The following SLC22A23 variants were observed in gnomAD, a reference collection of about 807,000 sequenced individuals.
SLC22A23 encodes the protein ion transporter protein.
In SLC22A23, 26 loss-of-function variants were observed where a neutral mutation model predicts 61.0. The observed-to-expected ratio is 0.43, with a 90% CI of 0.31 to 0.59. The LOEUF (loss-of-function observed/expected upper bound fraction) is 0.59. SLC22A23 is among the 20% of genes least tolerant of loss of function. SLC22A23 has a pLI of 0.11. For missense variants in SLC22A23, 796 were observed against 934.7 expected (o/e 0.85, Z 1.94); for synonymous variants, 430 against 413.9 (o/e 1.04, Z -0.47).
chr6:3,288,037 G>A (rs1384099309), intron 6 of SLC22A23, among the ~76,000 whole-genome samples: 2 of 152,156 alleles, frequency 1.3e-5, no homozygotes, highest in Admixed American at 1.3e-4. Context: ...CCTGGGTCAA[G>A]CTTCTTTATT....
chr6:3,326,995 C>G, intron 3 of SLC22A23, among the ~76,000 whole-genome samples: 1 of 130,162 alleles, frequency 7.7e-6, no homozygotes, highest in South Asian at 2.5e-4. Context: ...GCAGGTGGAT[C>G]GTTTCTGCTG....
rs753793536 is a variant in SLC22A23, at chr6:3,323,981, C to T, written c.935G>A (p.Gly312Glu). The change falls in exon 4 of 10, where the codon GGA (glycine) becomes GAA (glutamate). Residue 312 changes from glycine (G) to glutamate (E), a missense_variant. Gly to Glu is a moderately conservative substitution (Grantham distance 98). Transcript: ENST00000406686. ...YALRIELCPPGKRFMITMVAS... is the reference protein window; with the variant it reads ...YALRIELCPPEKRFMITMVAS... Reference sequence around the variant, plus strand: ...CACCATCGTAATCATGAACCGTTTTCCAGGGGGGCACAGCTCTATTCCTAG... The same window carrying T: ...CACCATCGTAATCATGAACCGTTTTTCAGGGGGGCACAGCTCTATTCCTAG... 3.7e-6 allele frequency: 6 copies of T among 1,614,192 alleles called. No homozygotes were observed. Among genetic ancestry groups the T allele is most frequent in the South Asian group, 3.3e-5 (3 of 91,078 alleles).
chr6:3,285,382 G>C (rs1328271988), intron 7 of SLC22A23, among the ~76,000 whole-genome samples: 1 of 152,220 alleles, frequency 6.6e-6, no homozygotes, highest in African/African-American at 2.4e-5. Flanking sequence ...TGAGACCCCA[G>C]CAGGTGCAAA....
rs1018938558 is a variant in SLC22A23, at chr6:3,342,619, G to T, written c.914-18617C>A. 6.6e-6 allele frequency among the ~76,000 whole-genome samples: 1 copy of T among 152,180 alleles called. No individual in the cohort carries two copies. The highest frequency in any genetic ancestry group is 1.9e-4 in the East Asian group (1 of 5,186). ...AGCCCAGGAAGCCAGTAGATGGGGG[G>T]TCCAGGAGATTCAAACCTTGAGGAG... On this transcript the variant is annotated intron_variant, in intron 3 of 9. Transcript: ENST00000406686. The surrounding 1 kb of genome is among the most constrained non-coding windows in gnomAD (Gnocchi z 4.0).
At chr6:3,294,664 T>C (rs2127347295) in intron 5 of SLC22A23, among the ~76,000 whole-genome samples, 1 of 152,124 alleles carries the variant, frequency 6.6e-6, no homozygotes, top group Non-Finnish European at 1.5e-5. Context: ...GCTCAAAACC[T>C]CAGGAACTAA....
rs1005135070 is a variant in SLC22A23, at chr6:3,270,171, T to C, written c.*2884A>G. On this transcript the variant is annotated 3_prime_UTR_variant, in exon 10 of 10. Coordinates refer to ENST00000406686, the MANE Select transcript of SLC22A23 (RefSeq NM_015482.2). The stretch of plus-strand genomic sequence containing the variant: ...GGTAGGCTAGCGGAACGGAGGGGTG[T>C]GTGGAGGAGAGTAGCAGGGGGTGGG... The C allele has an allele frequency of 6.6e-6, 1 of 152,194 alleles. No individual in the cohort carries two copies. Among genetic ancestry groups the C allele is most frequent in the Non-Finnish European group, 1.5e-5 (1 of 68,032 alleles). The allele number at this position is 152,194 out of a possible 1,614,324, so 9.4% of individuals were successfully genotyped here.
rs1758431273 is a variant in SLC22A23 at position 3,270,849 on chromosome 6, A to AT, written c.*2205_*2206insA. ...GCTTCAATTTCCAAAAAAAAAAAAAAGTTTACACGACCAGTGAGACTGCTC... is the reference window on the plus strand; with the variant it reads ...GCTTCAATTTCCAAAAAAAAAAAAAATGTTTACACGACCAGTGAGACTGCTC... On this transcript the variant is annotated 3_prime_UTR_variant, in exon 10 of 10. Coordinates refer to ENST00000406686, the MANE Select transcript of SLC22A23 (RefSeq NM_015482.2). 6.7e-6 allele frequency: 1 copy of AT among 150,106 alleles called. No individual in the cohort carries two copies. The highest frequency in any genetic ancestry group is 1.5e-5 in the Non-Finnish European group (1 of 67,488). The allele number at this position is 150,106 out of a possible 1,614,324, so 9.3% of individuals were successfully genotyped here.
chr6:3,414,328 A>G lies in SLC22A23; in HGVS notation c.758+1424T>C, dbSNP rs1157148875. Reference sequence around the variant, plus strand: ...CCCACACTAGAAACCTATGAACTCAAGTATTTGGTTTAAAAAAATAAACCC... The same window carrying G: ...CCCACACTAGAAACCTATGAACTCAGGTATTTGGTTTAAAAAAATAAACCC... On this transcript the variant is annotated intron_variant, in intron 2 of 9. Transcript: ENST00000406686. This position sits in a 1 kb window ranked among gnomAD's most constrained non-coding sequence, Gnocchi z 5.1. Among the ~76,000 whole-genome samples, 2 of 152,204 alleles carry G rather than the reference A, an allele frequency of 1.3e-5. No individual in the cohort carries two copies. Among genetic ancestry groups the G allele is most frequent in the South Asian group, 2.1e-4 (1 of 4,826 alleles).
intron 9 of SLC22A23, among the ~76,000 whole-genome samples, chr6:3,276,237 A>T (rs1758892504): frequency 6.6e-6 from 1 of 152,212 alleles, no homozygotes; most frequent in African/African-American, 2.4e-5. Context: ...ACCCATCTGC[A>T]TCCACCATGG....
chr6:3,368,745 G>A (rs1421531229), intron 3 of SLC22A23, among the ~76,000 whole-genome samples: 1 of 152,196 alleles, frequency 6.6e-6, no homozygotes, highest in Non-Finnish European at 1.5e-5. Flanking sequence ...AACAGTATGA[G>A]TGAGGAAAGA....
At chr6:3,391,207 A>G (rs776056723) in intron 3 of SLC22A23, among the ~76,000 whole-genome samples, 4 of 152,206 alleles carry the variant, frequency 2.6e-5, no homozygotes, top group Non-Finnish European at 4.4e-5. Flanking sequence ...TTTGCACACA[A>G]ATGTCCTCAC....
Position 3,307,722 on chromosome 6 carries a change from G to T in SLC22A23, c.1083-9504C>A, listed in dbSNP as rs137860322. ...ACACTGTCCACAGCAGCTGGAAGCG[G>T]TGACTGTCGGTGAGTTACAGTGGAG... On this transcript the variant is annotated intron_variant, in intron 4 of 9. Coordinates refer to ENST00000406686, the MANE Select transcript of SLC22A23 (RefSeq NM_015482.2). 2.3e-3 allele frequency among the ~76,000 whole-genome samples: 344 copies of T among 152,398 alleles called. 1 individual carries two copies. The highest frequency in any genetic ancestry group is 7.9e-3 in the African/African-American group (329 of 41,596).
rs1763006461 is a variant in SLC22A23 at position 3,322,363 on chromosome 6, G to C, written c.1082+1471C>G. Among the ~76,000 whole-genome samples the C allele has an allele frequency of 6.6e-6, 1 of 152,202 alleles. No individual in the cohort carries two copies. Among genetic ancestry groups the C allele is most frequent in the African/African-American group, 2.4e-5 (1 of 41,456 alleles). The stretch of plus-strand genomic sequence containing the variant: ...GGGAGGGGGCAGAAAGACTTCCTTA[G>C]GAGATAGAAGGAAGAGAGCTGCCCA... On this transcript the variant is annotated intron_variant, in intron 4 of 9. Transcript: ENST00000406686. This position sits in a 1 kb window ranked among gnomAD's most constrained non-coding sequence, Gnocchi z 4.1.
intron 5 of SLC22A23, among the ~76,000 whole-genome samples, chr6:3,296,160 G>A (rs1286005498): frequency 6.6e-6 from 1 of 152,182 alleles, no homozygotes; most frequent in East Asian, 1.9e-4. Context: ...ACCTGCTAAC[G>A]AGTGAGGTCT....
chr6:3,275,164 C>A (rs1475422789), intron 9 of SLC22A23, among the ~76,000 whole-genome samples: 1 of 152,192 alleles, frequency 6.6e-6, no homozygotes, highest in African/African-American at 2.4e-5. Flanking sequence ...AGAAACTAAC[C>A]TTCACATTTA....
At chr6:3,285,011 C>T in intron 8 of SLC22A23, 68 bp downstream of exon 8, 2 of 1,586,464 alleles carry the variant, frequency 1.3e-6, no homozygotes, top group South Asian at 2.3e-5. Context: ...GTCCGTGAGT[C>T]TTCGAGAAAA....
chr6:3,455,819 TGGGGACTTC>T (rs1304002072), intron 1 of SLC22A23, 78 bp downstream of exon 1: 2 of 1,422,200 alleles, frequency 1.4e-6, no homozygotes, highest in Non-Finnish European at 1.8e-6. Flanking sequence ...ACCACCACTT[TGGGGACTTC>T]GGTTCTCCCG....
rs1762116842 is a variant in SLC22A23 at position 3,308,141 on chromosome 6, ACT to A, written c.1083-9925_1083-9924del. Among the ~76,000 whole-genome samples, 1 of 152,224 alleles carries A rather than the reference ACT, an allele frequency of 6.6e-6. No homozygotes were observed. Among genetic ancestry groups the A allele is most frequent in the Non-Finnish European group, 1.5e-5 (1 of 68,040 alleles). On this transcript the variant is annotated intron_variant, in intron 4 of 9. Transcript: ENST00000406686. The surrounding 1 kb of genome is among the most constrained non-coding windows in gnomAD (Gnocchi z 5.1). ...ACAACATCGCGTTGTGGATGTGGTC[ACT>A]GAGTTGTACAATTTAAAATGGTTAC...
At chr6:3,305,345 C>T (rs59756895) in intron 4 of SLC22A23, among the ~76,000 whole-genome samples, 8,230 of 152,252 alleles carry the variant, frequency 0.054, 704 homozygotes, top group African/African-American at 0.17. Flanking sequence ...ATTGCCTGGA[C>T]GGCACTCCGG....
Sources: allele counts gnomAD v4.1 joint callset (sites outside exome capture counted in the v4.1 genomes callset), GRCh38; gene constraint gnomAD v4.1.1; non-coding constraint Gnocchi (gnomAD v3.1); transcripts MANE v1.5; gene names NCBI Gene and HGNC (gene_info 2026-07-23, HGNC 2026-07-21).